The following ADAMTSL1 variants were observed in gnomAD, a reference collection of about 807,000 sequenced individuals.
ADAMTSL1 encodes the protein ADAMTS like 1, also known as ADAMTS-like protein 1.
ADAMTSL1 carries 126 observed loss-of-function variants against 201.8 expected under a neutral mutation model. The ratio of observed to expected loss-of-function variants is 0.62; its 90% CI spans 0.54 to 0.72. ADAMTSL1 has a LOEUF of 0.72. Ranked by LOEUF, ADAMTSL1 falls within the 30% of genes least tolerant of loss-of-function variation. The pLI is 0.00. For missense variants in ADAMTSL1, 2,679 were observed against 2,277.8 expected, an observed-to-expected ratio of 1.18 and a Z score of -3.59; for synonymous variants, 1,121 against 903.4, an observed-to-expected ratio of 1.24 and a Z score of -4.32.
intron 3 of ADAMTSL1, among the ~76,000 whole-genome samples, chr9:18,534,557 T>G (rs559112727): frequency 6.6e-6 from 1 of 152,244 alleles, no homozygotes; most frequent in African/African-American, 2.4e-5. Context: ...CCGATCCCTC[T>G]GTTGAAGAAG....
At chr9:18,756,443 A>G (rs1416100632) in intron 16 of ADAMTSL1, among the ~76,000 whole-genome samples, 3 of 152,008 alleles carry the variant, frequency 2.0e-5, no homozygotes, top group African/African-American at 7.3e-5. Flanking sequence ...GTGAGAAGAA[A>G]CCATTGTTTA....
At chr9:18,787,527 C>G (rs1821777000) in intron 19 of ADAMTSL1, among the ~76,000 whole-genome samples, 1 of 152,046 alleles carries the variant, frequency 6.6e-6, no homozygotes, top group Non-Finnish European at 1.5e-5. Flanking sequence ...AAGTGGTTAA[C>G]TGTTTTAGTA....
intron 1 of ADAMTSL1, among the ~76,000 whole-genome samples, chr9:18,016,445 T>C (rs909108454): frequency 6.6e-6 from 1 of 151,944 alleles, no homozygotes; most frequent in African/African-American, 2.4e-5. Context: ...TGGATTCCAT[T>C]GTACTTGAAA....
intron 2 of ADAMTSL1, among the ~76,000 whole-genome samples, chr9:18,243,946 C>G (rs1047658930): frequency 2.0e-5 from 3 of 151,884 alleles, no homozygotes; most frequent in Admixed American, 2.0e-4. Flanking sequence ...TTAGTGCAGT[C>G]ATATGCTCTT....
At chr9:18,615,815 A>C (rs1232612291) in intron 4 of ADAMTSL1, among the ~76,000 whole-genome samples, 1 of 152,156 alleles carries the variant, frequency 6.6e-6, no homozygotes, top group East Asian at 1.9e-4. Context: ...TCTAGAGCCC[A>C]GTGTCTTTAC....
At chr9:18,109,982 C>G (rs575234430) in intron 1 of ADAMTSL1, among the ~76,000 whole-genome samples, 1 of 152,136 alleles carries the variant, frequency 6.6e-6, no homozygotes, top group Non-Finnish European at 1.5e-5. Flanking sequence ...AGAGAGTGAT[C>G]CAGAAAGAGA....
intron 1 of ADAMTSL1, among the ~76,000 whole-genome samples, chr9:18,021,202 G>A (rs1820467994): frequency 6.6e-6 from 1 of 152,138 alleles, no homozygotes; most frequent in Non-Finnish European, 1.5e-5. Flanking sequence ...TTGGTCACAA[G>A]TTTCTGAAGT....
intron 2 of ADAMTSL1, among the ~76,000 whole-genome samples, chr9:18,272,013 T>G (rs1280762041): frequency 1.3e-5 from 2 of 151,012 alleles, no homozygotes; most frequent in Non-Finnish European, 3.0e-5. Flanking sequence ...GCCCACTTTT[T>G]GATGGGGTTG....
chr9:17,940,722 AAAAAAG>A (rs1481249414), intron 1 of ADAMTSL1, among the ~76,000 whole-genome samples: 3 of 139,962 alleles, frequency 2.1e-5, no homozygotes, highest in Non-Finnish European at 4.7e-5. Flanking sequence ...CAAAAAAAAA[AAAAAAG>A]AAAAAAAAGA....
chr9:17,940,285 C>G (rs1298635250), intron 1 of ADAMTSL1, among the ~76,000 whole-genome samples: 1 of 152,028 alleles, frequency 6.6e-6, no homozygotes, highest in Non-Finnish European at 1.5e-5. Context: ...AAGACAACTG[C>G]AGAGATGATT....
chr9:18,043,848 G>C (rs1821540494), intron 1 of ADAMTSL1, among the ~76,000 whole-genome samples: 1 of 151,544 alleles, frequency 6.6e-6, no homozygotes, highest in African/African-American at 2.4e-5. Flanking sequence ...CTTTAGATAT[G>C]GTGAGCTTTA....
At position 18,826,131 on chromosome 9, in the gene ADAMTSL1, G is replaced by A. The variant is rs1824538774; in HGVS notation, c.3935-153G>A. 9.6e-6 allele frequency: 8 copies of A among 834,924 alleles called. No homozygotes were observed. The Admixed American group carries it at 2.1e-4, about 21-fold the overall frequency. 51.7% of individuals were successfully genotyped at this position (834,924 alleles called of 1,614,324 possible). ...CTATATCCTTATCCTACCAGGCTCT[G>A]GACATTATTTAATCTGGCCAAAGCC... is the stretch of plus-strand genomic sequence containing the variant. On this transcript the variant is annotated intron_variant, in intron 21 of 28. Transcript: ENST00000380548.
At chr9:18,789,589 A>G (rs1443707911) in intron 19 of ADAMTSL1, among the ~76,000 whole-genome samples, 1 of 152,240 alleles carries the variant, frequency 6.6e-6, no homozygotes, top group Admixed American at 6.5e-5. Context: ...AGAGAGAACT[A>G]TGAATGAGAT....
rs569428018 is a variant in ADAMTSL1 at position 18,474,206 on chromosome 9, G to A, written c.-27G>A. 20 of 1,613,238 alleles carry A rather than the reference G, an allele frequency of 1.2e-5. No individual in the cohort carries two copies. Among genetic ancestry groups the A allele is most frequent in the Non-Finnish European group, 1.7e-5 (20 of 1,179,394 alleles). ...GCACTTAGCAGCTTATTCAGTGTCC[G>A]ATTCTGATTCCGGCAAGGATCCAAG... On this transcript the variant is annotated 5_prime_UTR_variant, in exon 1 of 29. Transcript: ENST00000380548.
chr9:18,800,499 A>C (rs1209297383), intron 20 of ADAMTSL1, among the ~76,000 whole-genome samples: 1 of 152,064 alleles, frequency 6.6e-6, no homozygotes, highest in Non-Finnish European at 1.5e-5. Flanking sequence ...TATCTGATAG[A>C]ATACTGAATA....
At chr9:18,272,306 A>G (rs1027108627) in intron 2 of ADAMTSL1, among the ~76,000 whole-genome samples, 2 of 152,190 alleles carry the variant, frequency 1.3e-5, no homozygotes, top group East Asian at 3.9e-4. Flanking sequence ...AATACTACAC[A>G]TCTACAACTA....
At chr9:18,375,769 T>A (rs947606734) in intron 2 of ADAMTSL1, among the ~76,000 whole-genome samples, 2 of 152,262 alleles carry the variant, frequency 1.3e-5, no homozygotes, top group African/African-American at 2.4e-5. Flanking sequence ...CACTGCTGGC[T>A]GGTGGCCAGC....
At chr9:18,628,110 C>G (rs1591108) in intron 5 of ADAMTSL1, among the ~76,000 whole-genome samples, 21,856 of 152,098 alleles carry the variant, frequency 0.14, 1,712 homozygotes, top group Admixed American at 0.21. Context: ...ATGAAGACCA[C>G]GCTATCATTT....
At chr9:18,054,706 G>A (rs2026901) in intron 1 of ADAMTSL1, among the ~76,000 whole-genome samples, 2 of 152,180 alleles carry the variant, frequency 1.3e-5, no homozygotes, top group African/African-American at 2.4e-5. Context: ...ATAAATGAAA[G>A]AGTTGGGGTT....
Sources: allele counts gnomAD v4.1 joint callset (sites outside exome capture counted in the v4.1 genomes callset), GRCh38; gene constraint gnomAD v4.1.1; transcripts MANE v1.5; gene names NCBI Gene and HGNC (gene_info 2026-07-23, HGNC 2026-07-21).